MRPL13: variants seen among roughly 807,000 people sequenced by gnomAD.
MRPL13 encodes mitochondrial ribosomal protein L13, also known as large ribosomal subunit protein uL13m.
MRPL13 carries 33 observed loss-of-function variants against 29.0 expected under a neutral mutation model. The ratio of observed to expected loss-of-function variants is 1.14; its 90% CI spans 0.86 to 1.52. The LOEUF (loss-of-function observed/expected upper bound fraction) is 1.52. Ranked by LOEUF, MRPL13 falls within the 40% of genes most tolerant of loss-of-function variation. The pLI, the probability that MRPL13 is intolerant of heterozygous loss-of-function variation, is 0.00. For missense variants in MRPL13, 227 were observed against 216.7 expected, an observed-to-expected ratio of 1.05 and a Z score of -0.30; for synonymous variants, 77 against 68.4, an observed-to-expected ratio of 1.13 and a Z score of -0.62.
chr8:120,432,181 G>C (rs1026302493), intron 2 of MRPL13, 58 bp from the exon 3 acceptor site: 27 of 1,345,332 alleles, frequency 2.0e-5, no homozygotes, highest in Non-Finnish European at 2.7e-5. Context: ...AAGAAAAAGT[G>C]GCCTTGGTTA....
chr8:120,420,729 T>C (rs889692953), intron 4 of MRPL13, among the ~76,000 whole-genome samples: 2 of 151,748 alleles, frequency 1.3e-5, no homozygotes, highest in African/African-American at 4.8e-5. Context: ...AAACTGACAA[T>C]GTTAAGACTA....
chr8:120,408,756 T>C (rs1040138123), intron 6 of MRPL13, among the ~76,000 whole-genome samples: 1 of 152,206 alleles, frequency 6.6e-6, no homozygotes, highest in African/African-American at 2.4e-5. Context: ...TATAAAGGCA[T>C]AGGTAAAAAT....
At position 120,425,336 on chromosome 8, in the gene MRPL13, A is replaced by G; in HGVS notation, c.276T>C (p.Ala92=). The G allele has an allele frequency of 6.2e-7, 1 of 1,612,998 alleles. No homozygotes were observed. Among genetic ancestry groups the G allele is most frequent in the Non-Finnish European group, 8.5e-7 (1 of 1,179,266 alleles). ...CTGGATCCCTCAGGTGAAGCTGAGC[A>G]GCTGTTACTTGTCTAAATCCACCTG... ...GYPGGFRQVT[A]AQLHLRDPVA... is the part of the protein sequence containing the mutation. Residue 92 remains alanine, a synonymous_variant, in exon 4 of 7, where the codon GCT becomes GCC. Coordinates refer to ENST00000306185, the MANE Select transcript of MRPL13 (RefSeq NM_014078.6).
chr8:120,442,880 T>C (rs1201915108), intron 2 of MRPL13, among the ~76,000 whole-genome samples: 2 of 152,124 alleles, frequency 1.3e-5, no homozygotes, highest in African/African-American at 4.8e-5. Flanking sequence ...AAGACATATA[T>C]AAAAGTGAAA....
rs1210144858 is a variant in MRPL13, at chr8:120,400,733, TAAATAAATA to T, written c.516-4617_516-4609del. Reference sequence around the variant, plus strand: ...ATAAATAAATAAATAAATAAATAAATAAATAAATAAAAAAAATAGACTGCTAGTTAGACT... The same window carrying T: ...ATAAATAAATAAATAAATAAATAAATAAAAAAATAGACTGCTAGTTAGACT... On this transcript the variant is annotated intron_variant, in intron 6 of 6. Transcript: ENST00000306185. Among the ~76,000 whole-genome samples, 95 of 136,848 alleles carry T rather than the reference TAAATAAATA, an allele frequency of 6.9e-4. 1 individual carries two copies. The highest frequency in any genetic ancestry group is 2.4e-3 in the African/African-American group (77 of 32,564). The allele number at this position is 136,848 out of a possible 152,430, so 89.8% of individuals were successfully genotyped here.
chr8:120,440,536 C>G (rs1385991709), intron 2 of MRPL13, among the ~76,000 whole-genome samples: 2 of 148,496 alleles, frequency 1.3e-5, no homozygotes, highest in African/African-American at 5.0e-5. Flanking sequence ...ACCCAGGAGG[C>G]GGAGGTTGCA....
intron 2 of MRPL13, among the ~76,000 whole-genome samples, chr8:120,442,579 G>A (rs1291007877): frequency 2.6e-5 from 4 of 152,130 alleles, no homozygotes; most frequent in Non-Finnish European, 5.9e-5. Flanking sequence ...CTGTTGACAA[G>A]TCAACCAGTA....
intron 2 of MRPL13, among the ~76,000 whole-genome samples, chr8:120,440,796 A>G (rs1184826232): frequency 2.0e-5 from 3 of 151,974 alleles, no homozygotes; most frequent in Non-Finnish European, 4.4e-5. Context: ...CTTGTAGGAC[A>G]CACAGAAATT....
intron 5 of MRPL13, among the ~76,000 whole-genome samples, chr8:120,416,410 C>T (rs1020642792): frequency 7.9e-5 from 12 of 152,138 alleles, no homozygotes; most frequent in Non-Finnish European, 1.3e-4. Flanking sequence ...AGGAGAATGG[C>T]GTGAACCTAG....
rs568226328 is a variant in MRPL13 at position 120,396,515 on chromosome 8, TTGAG to T, written c.516-394_516-391del. 2.2e-3 allele frequency among the ~76,000 whole-genome samples: 333 copies of T among 152,224 alleles called. 1 individual carries two copies. Among genetic ancestry groups the T allele is most frequent in the Non-Finnish European group, 3.9e-3 (262 of 68,002 alleles). On this transcript the variant is annotated intron_variant, in intron 6 of 6. Transcript: ENST00000306185. Reference sequence around the variant, plus strand: ...TGGATTTATAGTACAAATGCAAATTTTGAGTAAGTGATTTTTCCTATTTATATTA... The same window carrying T: ...TGGATTTATAGTACAAATGCAAATTTTAAGTGATTTTTCCTATTTATATTA...
rs1813001700 is a variant in MRPL13 at position 120,432,032 on chromosome 8, A to T, written c.243T>A (p.Thr81=). 6.3e-7 allele frequency: 1 copy of T among 1,593,866 alleles called. No homozygotes were observed. The highest frequency in any genetic ancestry group is 1.4e-5 in the African/African-American group (1 of 73,946). ...KWEQKVYSSH[T]GYPGGFRQVT... ...CCCTGACAACAGCATTATCTTACCCAGTATGCGAAGAGTATACTTTTTGTT... is the reference window on the plus strand; with the variant it reads ...CCCTGACAACAGCATTATCTTACCCTGTATGCGAAGAGTATACTTTTTGTT... Residue 81 remains threonine (T), a splice_region_variant and synonymous_variant, in exon 3 of 7, where the codon ACT becomes ACA. Coordinates refer to ENST00000306185, the MANE Select transcript of MRPL13 (RefSeq NM_014078.6).
At chr8:120,431,988 T>C (rs924255205) in intron 3 of MRPL13, 42 bp downstream of exon 3, 3 of 1,343,796 alleles carry the variant, frequency 2.2e-6, no homozygotes, top group Non-Finnish European at 3.1e-6. Context: ...TAAAGTAATA[T>C]ATTTTAACTA....
At chr8:120,431,098 C>A (rs1310523922) in intron 3 of MRPL13, among the ~76,000 whole-genome samples, 1 of 152,076 alleles carries the variant, frequency 6.6e-6, no homozygotes, top group Non-Finnish European at 1.5e-5. Flanking sequence ...GAGGAATGGG[C>A]AAAGGCTGGC....
intron 2 of MRPL13, among the ~76,000 whole-genome samples, chr8:120,433,831 ATTAAG>A (rs1813022872): frequency 6.6e-6 from 1 of 152,106 alleles, no homozygotes; most frequent in African/African-American, 2.4e-5. Flanking sequence ...CTAAATTTCT[ATTAAG>A]TTAAATACAT....
intron 6 of MRPL13, among the ~76,000 whole-genome samples, chr8:120,410,936 G>A (rs758402548): frequency 2.0e-5 from 3 of 151,936 alleles, no homozygotes; most frequent in Non-Finnish European, 4.4e-5. Flanking sequence ...CACCATATCC[G>A]GCTAGTTTTT....
At chr8:120,426,478 C>T (rs1812932703) in intron 3 of MRPL13, among the ~76,000 whole-genome samples, 1 of 152,012 alleles carries the variant, frequency 6.6e-6, no homozygotes, top group African/African-American at 2.4e-5. Context: ...GACTTCTATT[C>T]CTGCATTCTT....
chr8:120,424,591 C>G (rs1328612972), intron 4 of MRPL13, among the ~76,000 whole-genome samples: 1 of 151,982 alleles, frequency 6.6e-6, no homozygotes, highest in African/African-American at 2.4e-5. Context: ...ATAGGAAAAC[C>G]TGGTCTCCAC....
intron 6 of MRPL13, among the ~76,000 whole-genome samples, chr8:120,406,789 T>C (rs1812673375): frequency 6.6e-6 from 1 of 152,198 alleles, no homozygotes; most frequent in Non-Finnish European, 1.5e-5. Context: ...CATAAAACTT[T>C]CCTTAATTCA....
At chr8:120,405,502 T>C (rs7838344) in intron 6 of MRPL13, among the ~76,000 whole-genome samples, 144,925 of 152,218 alleles carry the variant, frequency 0.95, 69,005 homozygotes, top group East Asian at 1. Context: ...TGCTGGTTTA[T>C]GGACCACATT....
Sources: allele counts gnomAD v4.1 joint callset (sites outside exome capture counted in the v4.1 genomes callset), GRCh38; gene constraint gnomAD v4.1.1; transcripts MANE v1.5; gene names NCBI Gene and HGNC (gene_info 2026-07-23, HGNC 2026-07-21).